The following CHD2 variants were observed in gnomAD, a reference collection of about 807,000 sequenced individuals.
CHD2 encodes the protein ATP-dependent chromatin remodeler CHD2.
CHD2 carries 28 observed loss-of-function variants against 243.9 expected under a neutral mutation model. That is an observed-to-expected ratio of 0.11 (90% CI 0.09 to 0.16). The LOEUF (loss-of-function observed/expected upper bound fraction) is 0.16. Ranked by LOEUF, CHD2 falls within the 10% of genes least tolerant of loss-of-function variation. The probability of loss-of-function intolerance (pLI) is 1.00; values close to 1 mark genes in which losing one functional copy is unlikely to be tolerated. For synonymous variants in CHD2, 775 were observed against 779.0 expected, an observed-to-expected ratio of 0.99 and a Z score of 0.09; for missense variants, 1,386 against 2,209.8, an observed-to-expected ratio of 0.63 and a Z score of 7.47.
intron 2 of CHD2, among the ~76,000 whole-genome samples, chr15:92,910,292 G>C (rs1463178058): frequency 6.6e-6 from 1 of 152,140 alleles, no homozygotes; most frequent in African/African-American, 2.4e-5. Context: ...AGTCAGTATA[G>C]CAAAAATGTT....
In CHD2 at chr15:93,024,900, C is replaced by T. The variant is rs1209725044; in HGVS notation, c.*195C>T. The T allele has an allele frequency of 3.6e-6, 2 of 558,862 alleles. No individual in the cohort carries two copies. Among genetic ancestry groups the T allele is most frequent in the Non-Finnish European group, 6.2e-6 (2 of 323,002 alleles). The allele number at this position is 558,862 out of a possible 1,614,324, so 34.6% of individuals were successfully genotyped here. On this transcript the variant is annotated 3_prime_UTR_variant, in exon 39 of 39. Transcript: ENST00000394196. ...CCAGCTCTGATTCGGGTCACCACTC[C>T]TGCACTTTGGCACCCCATCCCATTC...
intron 16 of CHD2, 69 bp downstream of exon 16, chr15:92,956,718 T>A: frequency 7.0e-7 from 1 of 1,422,376 alleles, no homozygotes; most frequent in Non-Finnish European, 9.5e-7. Context: ...TTAACTTTCT[T>A]AGTAGACCTT....
chr15:92,991,529 G>T lies in CHD2; in HGVS notation c.3455+12G>T. 1 of 1,588,728 alleles carries T rather than the reference G, an allele frequency of 6.3e-7. No homozygotes were observed. The highest frequency in any genetic ancestry group is 8.6e-7 in the Non-Finnish European group (1 of 1,165,876). Reference sequence around the variant, plus strand: ...CTCCCTCTTGAACGGTAAGTTCAGTGTAATAGTCCCTTATCTTCCTCTTTT... The same window carrying T: ...CTCCCTCTTGAACGGTAAGTTCAGTTTAATAGTCCCTTATCTTCCTCTTTT... On this transcript the variant is annotated intron_variant, in intron 27 of 38. Transcript: ENST00000394196.
chr15:92,994,011 T>C (rs2054156218), intron 28 of CHD2, among the ~76,000 whole-genome samples: 1 of 152,128 alleles, frequency 6.6e-6, no homozygotes, highest in Admixed American at 6.5e-5. Context: ...AGAAATGAAG[T>C]TATTATCATT....
chr15:93,002,113 C>A, intron 32 of CHD2, 64 bp from the exon 33 acceptor site: 2 of 1,531,038 alleles, frequency 1.3e-6, no homozygotes, highest in Admixed American at 2.3e-5. Flanking sequence ...CTTCTTTTTC[C>A]AGAAAGTACA....
chr15:92,939,489 G>A (rs2053322554), intron 6 of CHD2, 89 bp from the exon 7 acceptor site: 2 of 1,357,792 alleles, frequency 1.5e-6, no homozygotes, highest in South Asian at 1.4e-5. Context: ...TCTGATGTAT[G>A]AACCACTGCT....
chr15:92,957,456 C>G (rs1051508663), intron 16 of CHD2, among the ~76,000 whole-genome samples: 2 of 152,158 alleles, frequency 1.3e-5, no homozygotes, highest in African/African-American at 2.4e-5. Flanking sequence ...TTATCCCTAA[C>G]CTGTTTTAGT....
At chr15:92,951,247 T>A (rs1397359464) in intron 13 of CHD2, among the ~76,000 whole-genome samples, 2 of 152,186 alleles carry the variant, frequency 1.3e-5, no homozygotes, top group Non-Finnish European at 2.9e-5. Context: ...CTTGGCTCAC[T>A]GCAACCTCCG....
chr15:92,901,116 A>G, intron 1 of CHD2, 51 bp from the exon 2 acceptor site: 1 of 687,514 alleles, frequency 1.5e-6, no homozygotes, highest in Admixed American at 2.7e-5. Context: ...TCCTGATAAT[A>G]AAAAGCATCG....
At chr15:92,994,422 ATAACCT>A (rs2054161586) in intron 28 of CHD2, among the ~76,000 whole-genome samples, 1 of 151,968 alleles carries the variant, frequency 6.6e-6, no homozygotes, top group South Asian at 2.1e-4. Flanking sequence ...TTATTCAATA[ATAACCT>A]TAATATTATT....
intron 5 of CHD2, among the ~76,000 whole-genome samples, chr15:92,935,582 C>T (rs752702960): frequency 6.6e-6 from 1 of 152,240 alleles, no homozygotes; most frequent in African/African-American, 2.4e-5. Flanking sequence ...CATATTCCTT[C>T]AAGCATGCTT....
chr15:92,937,170 CT>C, intron 5 of CHD2, among the ~76,000 whole-genome samples: 1 of 152,152 alleles, frequency 6.6e-6, no homozygotes, highest in East Asian at 1.9e-4. Flanking sequence ...GCCCAGAAAT[CT>C]TTTTTAACAA....
At chr15:92,910,727 G>A (rs955894730) in intron 2 of CHD2, among the ~76,000 whole-genome samples, 1 of 152,274 alleles carries the variant, frequency 6.6e-6, no homozygotes, top group Non-Finnish European at 1.5e-5. Context: ...ATGCCGTTCT[G>A]TTCCTTCAGT....
chr15:93,009,471 C>T (rs1211375806), intron 35 of CHD2, 148 bp downstream of exon 35: 4 of 714,240 alleles, frequency 5.6e-6, no homozygotes, highest in Non-Finnish European at 6.7e-6. Flanking sequence ...CAGGCTTTAA[C>T]TCCCTTTCCA....
At chr15:93,010,787 C>T (rs994013518) in intron 35 of CHD2, among the ~76,000 whole-genome samples, 5 of 152,246 alleles carry the variant, frequency 3.3e-5, no homozygotes, top group East Asian at 1.9e-4. Context: ...ACAGTTACTT[C>T]GTTTTTATTT....
rs568215431 is a variant in CHD2 at position 92,900,506 on chromosome 15, C to T, written c.-390C>T. 1 of 398,796 alleles carries T rather than the reference C, an allele frequency of 2.5e-6. No individual in the cohort carries two copies. The highest frequency in any genetic ancestry group is 2.1e-5 in the African/African-American group (1 of 48,710). The allele number at this position is 398,796 out of a possible 1,614,324, so 24.7% of individuals were successfully genotyped here. Reference sequence around the variant, plus strand: ...TTCGAACCTTTTTTTGGGAGAAAAGCAGCTTTTAGGAGCTTTCTTTTCGTG... The same window carrying T: ...TTCGAACCTTTTTTTGGGAGAAAAGTAGCTTTTAGGAGCTTTCTTTTCGTG... On this transcript the variant is annotated 5_prime_UTR_variant, in exon 1 of 39. Coordinates refer to ENST00000394196, the MANE Select transcript of CHD2 (RefSeq NM_001271.4).
At chr15:92,939,061 A>G (rs1023918981) in intron 6 of CHD2, among the ~76,000 whole-genome samples, 5 of 145,344 alleles carry the variant, frequency 3.4e-5, no homozygotes, top group Admixed American at 7.0e-5. Flanking sequence ...TTTTTTTTCT[A>G]TGAGTACATG....
intron 8 of CHD2, 138 bp downstream of exon 8, chr15:92,942,093 G>C: frequency 1.3e-6 from 1 of 775,846 alleles, no homozygotes; most frequent in Non-Finnish European, 2.1e-6. Context: ...CTGACCCAGT[G>C]TTTCAGAGCT....
Position 92,946,227 on chromosome 15 carries a change from G to A in CHD2, c.1377+11G>A. On this transcript the variant is annotated intron_variant, in intron 12 of 38. Transcript: ENST00000394196. ...ACAAGAGAATGCAAGGTATGGTGAT[G>A]GTTGGCTTTTGTTTTTTCAGGGAGA... The A allele has an allele frequency of 6.3e-7, 1 of 1,592,778 alleles. No individual in the cohort carries two copies. Among genetic ancestry groups the A allele is most frequent in the African/African-American group, 1.3e-5 (1 of 74,232 alleles).
Sources: gnomAD v4.1 joint callset for allele counts (sites outside exome capture counted in the v4.1 genomes callset) on GRCh38, gnomAD v4.1.1 for gene constraint, MANE v1.5 for transcripts, NCBI Gene and HGNC (gene_info 2026-07-23, HGNC 2026-07-21) for gene names.